Variants in TOPBP1 observed in about 807,000 individuals in gnomAD.
The protein encoded by TOPBP1 is DNA topoisomerase 2-binding protein 1.
TOPBP1 carries 28 observed loss-of-function variants against 167.7 expected under a neutral mutation model. The ratio of observed to expected loss-of-function variants is 0.17; its 90% CI spans 0.12 to 0.23. TOPBP1 has a LOEUF of 0.23. TOPBP1 is among the 10% of genes least tolerant of loss of function. The pLI is 1.00. For synonymous variants in TOPBP1, 598 were observed against 611.4 expected, an observed-to-expected ratio of 0.98 and a Z score of 0.32; for missense variants, 1,554 against 1,809.6, an observed-to-expected ratio of 0.86 and a Z score of 2.56.
intron 14 of TOPBP1, among the ~76,000 whole-genome samples, chr3:133,634,502 C>T (rs768985067): frequency 1.1e-4 from 16 of 151,606 alleles, no homozygotes; most frequent in Non-Finnish European, 2.4e-4. Flanking sequence ...GGTGACAGAG[C>T]GAGACTCTGT....
At position 133,640,142 on chromosome 3, in the gene TOPBP1, T is replaced by C; in HGVS notation, c.2050A>G (p.Asn684Asp). ...CTGGCAAACATGCCTTTCTTTGCAT[T>C]GGATTTGCGAACAAAGTATTCTTGA... is the stretch of plus-strand genomic sequence containing the variant. ...SVQEYFVRKSNAKKGMFASTH... is the reference protein window; with the variant it reads ...SVQEYFVRKSDAKKGMFASTH... Residue 684 changes from asparagine to aspartate, a missense_variant, in exon 13 of 28, where the codon AAT becomes GAT. Coordinates refer to ENST00000260810, the MANE Select transcript of TOPBP1 (RefSeq NM_007027.4). The C allele has an allele frequency of 6.2e-7, 1 of 1,613,688 alleles. No individual in the cohort carries two copies. Among genetic ancestry groups the C allele is most frequent in the Non-Finnish European group, 8.5e-7 (1 of 1,179,782 alleles).
chr3:133,639,437 G>A (rs576915668), intron 13 of TOPBP1, among the ~76,000 whole-genome samples: 18 of 152,184 alleles, frequency 1.2e-4, no homozygotes, highest in South Asian at 8.3e-4. Context: ...ATCACACACC[G>A]GGGCCTGTCG....
At chr3:133,628,852 G>C in intron 14 of TOPBP1, 119 bp from the exon 15 acceptor site, 1 of 986,522 alleles carries the variant, frequency 1.0e-6, no homozygotes, top group Non-Finnish European at 1.5e-6. Context: ...AGAGAAGGGG[G>C]AGAATCCTCA....
intron 10 of TOPBP1, 62 bp downstream of exon 10, chr3:133,649,321 G>A: frequency 1.3e-6 from 2 of 1,538,736 alleles, no homozygotes; most frequent in Non-Finnish European, 1.7e-6. Context: ...AATCACATAT[G>A]TACGTATTAG....
Position 133,655,440 on chromosome 3 carries a change from G to T in TOPBP1, c.592C>A (p.Pro198Thr). 1 of 1,594,222 alleles carries T rather than the reference G, an allele frequency of 6.3e-7. No individual in the cohort carries two copies. The highest frequency in any genetic ancestry group is 8.5e-7 in the Non-Finnish European group (1 of 1,170,942). The change falls in exon 6 of 28, where the codon CCT becomes ACT. Residue 198 changes from proline to threonine, a missense_variant. By Grantham distance (38) the Pro-to-Thr change is conservative. Around this residue, in one of 3 missense-constraint regions of TOPBP1, gnomAD observed 1,197 missense variants for 1,351.5 expected, o/e 0.89. Coordinates refer to ENST00000260810, the MANE Select transcript of TOPBP1 (RefSeq NM_007027.4). ...TDINMEDFKC[P>T]IFLGCIICVT... is the part of the protein sequence containing the mutation. ...CAGATTATGCAACCAAGAAAAATAG[G>T]ACACTTGAAATCTTCCATGTTTATA...
intron 14 of TOPBP1, among the ~76,000 whole-genome samples, chr3:133,629,781 G>T (rs952001081): frequency 6.6e-6 from 1 of 152,150 alleles, no homozygotes; most frequent in African/African-American, 2.4e-5. Context: ...ATGTGTGTGT[G>T]TGTGTATATA....
chr3:133,652,379 C>A (rs1023921184), intron 8 of TOPBP1, 84 bp downstream of exon 8: 3 of 1,466,734 alleles, frequency 2.0e-6, no homozygotes, highest in Non-Finnish European at 2.8e-6. Flanking sequence ...AAGGAGCAAG[C>A]CCAACTCTGA....
chr3:133,623,509 AGAT>A (rs1293207771), intron 17 of TOPBP1, 52 bp from the exon 18 acceptor site: 1 of 1,539,842 alleles, frequency 6.5e-7, no homozygotes, highest in African/African-American at 1.4e-5. Context: ...CTTAATGAAT[AGAT>A]GATGTTAAGT....
At chr3:133,658,850 A>C (rs907909369) in intron 3 of TOPBP1, among the ~76,000 whole-genome samples, 166 bp downstream of exon 3, 6 of 152,170 alleles carry the variant, frequency 3.9e-5, no homozygotes, top group Non-Finnish European at 8.8e-5. Flanking sequence ...AAAAAAGCCT[A>C]CTGTAACATA....
intron 27 of TOPBP1, among the ~76,000 whole-genome samples, chr3:133,607,192 T>C (rs1339716719): frequency 1.3e-5 from 2 of 152,154 alleles, no homozygotes; most frequent in Non-Finnish European, 2.9e-5. Context: ...TTTTGGAATA[T>C]TTATATTTAC....
rs760844022 is a variant in TOPBP1 at position 133,620,576 on chromosome 3, C to CCT, written c.3179-230_3179-229insAG. Among the ~76,000 whole-genome samples, 7 of 135,068 alleles carry CCT rather than the reference C, an allele frequency of 5.2e-5. 1 individual carries two copies. Among genetic ancestry groups the CCT allele is most frequent in the East Asian group, 2.1e-4 (1 of 4,736 alleles). The allele number at this position is 135,068 out of a possible 152,430, so 88.6% of individuals were successfully genotyped here. On this transcript the variant is annotated intron_variant, in intron 19 of 27. Coordinates refer to ENST00000260810, the MANE Select transcript of TOPBP1 (RefSeq NM_007027.4). ...AAATAACTAGGAAGCCCTTCAAATACTTTTTTTTTTTTTTTTTTGGTGATA... is the reference window on the plus strand; with the variant it reads ...AAATAACTAGGAAGCCCTTCAAATACCTTTTTTTTTTTTTTTTTTTGGTGATA...
intron 16 of TOPBP1, among the ~76,000 whole-genome samples, chr3:133,625,655 C>A (rs931739673): frequency 2.0e-5 from 3 of 151,732 alleles, no homozygotes; most frequent in African/African-American, 7.3e-5. Context: ...CGCTTAAACC[C>A]AGGAGGTGGA....
At chr3:133,611,225 G>A in intron 24 of TOPBP1, 84 bp from the exon 25 acceptor site, 1 of 1,261,020 alleles carries the variant, frequency 7.9e-7, no homozygotes, top group South Asian at 1.9e-5. Context: ...GGAGCCCAAA[G>A]TCTAATAACT....
chr3:133,646,677 A>G (rs1007315646), intron 10 of TOPBP1, among the ~76,000 whole-genome samples: 2 of 151,772 alleles, frequency 1.3e-5, no homozygotes, highest in Non-Finnish European at 2.9e-5. Context: ...AATCACTTTC[A>G]GTTATACCAC....
At chr3:133,605,551 G>A (rs1934463112) in intron 27 of TOPBP1, among the ~76,000 whole-genome samples, 1 of 151,930 alleles carries the variant, frequency 6.6e-6, no homozygotes, top group Admixed American at 6.6e-5. Context: ...AACAGAAGTA[G>A]AAAAAGACAT....
intron 2 of TOPBP1, among the ~76,000 whole-genome samples, 186 bp downstream of exon 2, chr3:133,660,858 C>T (rs1399950169): frequency 4.6e-5 from 7 of 151,964 alleles, no homozygotes; most frequent in African/African-American, 1.5e-4. Context: ...TCCAGCCCCC[C>T]GAAATACATA....
At chr3:133,627,246 T>C (rs1935298728) in intron 16 of TOPBP1, among the ~76,000 whole-genome samples, 1 of 152,080 alleles carries the variant, frequency 6.6e-6, no homozygotes, top group Admixed American at 6.6e-5. Flanking sequence ...AAAACATACA[T>C]CCTATATGTT....
At chr3:133,622,851 GC>G in intron 19 of TOPBP1, among the ~76,000 whole-genome samples, 1 of 152,118 alleles carries the variant, frequency 6.6e-6, no homozygotes, top group South Asian at 2.1e-4. Flanking sequence ...ATAAAACTTT[GC>G]AAATTATCAC....
intron 2 of TOPBP1, among the ~76,000 whole-genome samples, chr3:133,659,714 A>G (rs935521209): frequency 6.6e-6 from 1 of 152,124 alleles, no homozygotes; most frequent in African/African-American, 2.4e-5. Flanking sequence ...GGCTTTCTCA[A>G]ATACCCTTCC....
Sources: allele counts gnomAD v4.1 joint callset (sites outside exome capture counted in the v4.1 genomes callset), GRCh38; gene constraint gnomAD v4.1.1; regional missense constraint gnomAD v4.1.1; transcripts MANE v1.5; gene names NCBI Gene and HGNC (gene_info 2026-07-23, HGNC 2026-07-21).